AOAH: variants seen among roughly 807,000 people sequenced by gnomAD.
AOAH encodes the protein acyloxyacyl hydrolase (neutrophil).
In AOAH, 64 loss-of-function variants were observed where a neutral mutation model predicts 92.2. That is an observed-to-expected ratio of 0.69 (90% CI 0.57 to 0.86). AOAH has a LOEUF of 0.86. AOAH is among the 40% of genes least tolerant of loss of function. AOAH has a pLI of 0.00. For missense variants in AOAH, 656 were observed against 694.6 expected, an observed-to-expected ratio of 0.94 and a Z score of 0.62; for synonymous variants, 263 against 254.5, an observed-to-expected ratio of 1.03 and a Z score of -0.32.
At chr7:36,592,549 G>A (rs1400128355) in intron 12 of AOAH, among the ~76,000 whole-genome samples, 1 of 152,262 alleles carries the variant, frequency 6.6e-6, no homozygotes, top group East Asian at 1.9e-4. Context: ...CCCACACAAA[G>A]AATAAAAACA....
intron 4 of AOAH, among the ~76,000 whole-genome samples, chr7:36,651,447 G>A (rs1300703813): frequency 2.0e-5 from 3 of 152,108 alleles, no homozygotes; most frequent in Admixed American, 1.3e-4. Flanking sequence ...TAGGGTACCC[G>A]GCTGTGGGGA....
At chr7:36,571,293 T>C (rs1241662283) in intron 13 of AOAH, among the ~76,000 whole-genome samples, 1 of 152,170 alleles carries the variant, frequency 6.6e-6, no homozygotes, top group African/African-American at 2.4e-5. Context: ...GCTGATGGTC[T>C]ATCCCCCAAA....
chr7:36,579,377 C>CA (rs1302376699), intron 12 of AOAH, among the ~76,000 whole-genome samples: 1 of 149,450 alleles, frequency 6.7e-6, no homozygotes, highest in African/African-American at 2.5e-5. Flanking sequence ...ACCCCGCCCC[C>CA]CCCAAATTGT....
chr7:36,532,878 C>T (rs541881424), intron 16 of AOAH, among the ~76,000 whole-genome samples: 3 of 152,228 alleles, frequency 2.0e-5, no homozygotes, highest in Non-Finnish European at 4.4e-5. Context: ...CCACGTAGTT[C>T]CCTGCAGTTG....
At chr7:36,691,091 C>A (rs1482670241) in intron 1 of AOAH, among the ~76,000 whole-genome samples, 1 of 152,154 alleles carries the variant, frequency 6.6e-6, no homozygotes, top group Non-Finnish European at 1.5e-5. Context: ...CCTTTTTGAC[C>A]CTGAGTAGAA....
At chr7:36,550,142 G>C (rs1476084099) in intron 13 of AOAH, 1 of 152,202 alleles carries the variant, frequency 6.6e-6, no homozygotes, top group Non-Finnish European at 1.5e-5. Flanking sequence ...ATCACTTGAG[G>C]TCAGGAGTTC....
chr7:36,637,428 G>A (rs911589535), intron 5 of AOAH, among the ~76,000 whole-genome samples: 4 of 152,072 alleles, frequency 2.6e-5, no homozygotes, highest in Non-Finnish European at 2.9e-5. Context: ...CCTCCAAGAC[G>A]GTCTACTGGA....
At chr7:36,646,191 C>T (rs993949453) in intron 4 of AOAH, among the ~76,000 whole-genome samples, 1 of 152,170 alleles carries the variant, frequency 6.6e-6, no homozygotes, top group Non-Finnish European at 1.5e-5. Flanking sequence ...AAATTTTGTA[C>T]TAACTTTGCA....
intron 16 of AOAH, among the ~76,000 whole-genome samples, chr7:36,536,028 T>C (rs565498014): frequency 3.9e-4 from 59 of 152,204 alleles, no homozygotes; most frequent in African/African-American, 1.3e-3. Flanking sequence ...ACGGACTGGG[T>C]AGTGAGTCAC....
intron 16 of AOAH, among the ~76,000 whole-genome samples, chr7:36,539,603 T>G (rs1785285587): frequency 6.6e-6 from 1 of 152,184 alleles, no homozygotes; most frequent in Non-Finnish European, 1.5e-5. Flanking sequence ...AAATACATTC[T>G]CCTCTGAAAT....
intron 13 of AOAH, among the ~76,000 whole-genome samples, chr7:36,561,300 C>T (rs1479866024): frequency 6.6e-6 from 1 of 152,144 alleles, no homozygotes; most frequent in Non-Finnish European, 1.5e-5. Flanking sequence ...CCTTCGCCTC[C>T]CAAAGTGCTG....
chr7:36,702,173 AAAGTAAG>A (rs1798071641), intron 1 of AOAH, among the ~76,000 whole-genome samples: 1 of 72,828 alleles, frequency 1.4e-5, no homozygotes, highest in South Asian at 7.6e-4. Flanking sequence ...ATTTTGAAGT[AAAGTAAG>A]AGAAGTGTTT....
At chr7:36,595,967 A>G (rs940384139) in intron 11 of AOAH, among the ~76,000 whole-genome samples, 2 of 152,232 alleles carry the variant, frequency 1.3e-5, no homozygotes, top group Admixed American at 6.5e-5. Flanking sequence ...CAAATGGCAC[A>G]TGCCCCTGGC....
intron 3 of AOAH, among the ~76,000 whole-genome samples, chr7:36,671,604 T>A (rs1258353610): frequency 6.6e-6 from 1 of 151,690 alleles, no homozygotes; most frequent in African/African-American, 2.4e-5. Context: ...CATGCGTGTG[T>A]GTGTATGTGT....
intron 3 of AOAH, among the ~76,000 whole-genome samples, chr7:36,667,987 T>C (rs1049337924): frequency 3.3e-5 from 5 of 152,222 alleles, no homozygotes. Context: ...GAGTCTAATT[T>C]TTTGATCCAC....
intron 20 of AOAH, chr7:36,514,434 A>G: frequency 1.4e-6 from 2 of 1,440,768 alleles, no homozygotes; most frequent in South Asian, 1.2e-5. Context: ...CTTAATACAC[A>G]GCAGGCTCGA....
At chr7:36,599,375 A>C (rs915515975) in intron 11 of AOAH, among the ~76,000 whole-genome samples, 1 of 152,224 alleles carries the variant, frequency 6.6e-6, no homozygotes, top group African/African-American at 2.4e-5. Flanking sequence ...GTCTTCCAGC[A>C]AAGCAGGGAG....
At chr7:36,687,315 A>T (rs191821250) in intron 1 of AOAH, among the ~76,000 whole-genome samples, 1 of 152,296 alleles carries the variant, frequency 6.6e-6, no homozygotes, top group African/African-American at 2.4e-5. Context: ...AAATCATAAC[A>T]CACTGTAAAA....
At chr7:36,716,529 T>C (rs1275782911) in intron 1 of AOAH, among the ~76,000 whole-genome samples, 9 of 149,106 alleles carry the variant, frequency 6.0e-5, no homozygotes, top group East Asian at 2.0e-4. Flanking sequence ...CACACGTATG[T>C]TTATTGCGGC....
Sources: gnomAD v4.1 joint callset for allele counts (sites outside exome capture counted in the v4.1 genomes callset) on GRCh38, gnomAD v4.1.1 for gene constraint, MANE v1.5 for transcripts, NCBI Gene and HGNC (gene_info 2026-07-23, HGNC 2026-07-21) for gene names.